Variants in FER observed in about 807,000 individuals in gnomAD.
FER encodes the protein FER tyrosine kinase.
A neutral mutation model predicts 111.0 loss-of-function variants in FER; 63 were observed. That is an observed-to-expected ratio of 0.57 (90% confidence interval 0.46 to 0.70). The LOEUF (loss-of-function observed/expected upper bound fraction) is 0.70, where lower values mean the gene tolerates loss of function less well. FER is among the 30% of genes least tolerant of loss of function. The pLI, the probability that FER is intolerant of heterozygous loss-of-function variation, is 0.00. For synonymous variants in FER, 327 were observed against 313.9 expected (o/e 1.04, Z -0.44); for missense variants, 914 against 954.0 (o/e 0.96, Z 0.55).
chr5:108,844,893 G>T (rs2150165858), intron 5 of FER, among the ~76,000 whole-genome samples: 1 of 148,262 alleles, frequency 6.7e-6, no homozygotes, highest in African/African-American at 2.5e-5. Context: ...ACTACAGTTT[G>T]TTTATCCATT....
chr5:109,114,861 C>G (rs115193070), intron 17 of FER, among the ~76,000 whole-genome samples: 2,592 of 152,136 alleles, frequency 0.017, 59 homozygotes, highest in African/African-American at 0.059. Context: ...CCCTCATTCT[C>G]TCTGTCCCTA....
At chr5:108,880,836 A>G (rs998972511) in intron 8 of FER, among the ~76,000 whole-genome samples, 8 of 152,240 alleles carry the variant, frequency 5.3e-5, no homozygotes, top group Non-Finnish European at 8.8e-5. Flanking sequence ...AAATGCCGTC[A>G]GAGACTTACT....
chr5:108,827,554 T>A (rs1759595008), intron 3 of FER, among the ~76,000 whole-genome samples: 1 of 152,174 alleles, frequency 6.6e-6, no homozygotes, highest in Non-Finnish European at 1.5e-5. Context: ...TATTTCCTTT[T>A]TTCTGTAATT....
At chr5:109,115,131 A>G (rs1450487578) in intron 17 of FER, among the ~76,000 whole-genome samples, 2 of 152,162 alleles carry the variant, frequency 1.3e-5, no homozygotes, top group East Asian at 3.8e-4. Flanking sequence ...TAAATTTCTC[A>G]AGCCCTAACA....
At chr5:109,051,679 C>G (rs1369926751) in intron 16 of FER, 4 of 1,575,040 alleles carry the variant, frequency 2.5e-6, no homozygotes, top group Non-Finnish European at 3.5e-6. Flanking sequence ...TTTTTGAGAC[C>G]CACAGTCTTT....
intron 10 of FER, among the ~76,000 whole-genome samples, chr5:108,920,620 C>CA (rs962582449): frequency 1.3e-5 from 2 of 152,112 alleles, no homozygotes; most frequent in African/African-American, 4.8e-5. Flanking sequence ...ATATTACCTC[C>CA]AAAATATATT....
At chr5:109,111,778 A>G (rs998461021) in intron 17 of FER, among the ~76,000 whole-genome samples, 1 of 152,146 alleles carries the variant, frequency 6.6e-6, no homozygotes, top group African/African-American at 2.4e-5. Flanking sequence ...ACTCACTATC[A>G]TGAGAACAGC....
intron 16 of FER, among the ~76,000 whole-genome samples, chr5:109,091,921 C>T (rs930432820): frequency 1.3e-5 from 2 of 151,988 alleles, no homozygotes; most frequent in Admixed American, 1.3e-4. Flanking sequence ...TTAAGAAATA[C>T]TATTATGATG....
intron 10 of FER, among the ~76,000 whole-genome samples, chr5:108,899,735 T>G (rs1749731588): frequency 6.8e-6 from 1 of 147,672 alleles, no homozygotes; most frequent in African/African-American, 2.5e-5. Flanking sequence ...ACCTGGGAGG[T>G]GGAGGTTGCA....
At chr5:108,923,181 G>C (rs79347653) in intron 10 of FER, among the ~76,000 whole-genome samples, 1,959 of 151,776 alleles carry the variant, frequency 0.013, 16 homozygotes, top group East Asian at 0.035. Context: ...GTCTTTTATT[G>C]TTTATTAAAT....
intron 10 of FER, among the ~76,000 whole-genome samples, chr5:108,934,662 A>G (rs1755198156): frequency 1.3e-5 from 2 of 152,162 alleles, no homozygotes; most frequent in Non-Finnish European, 2.9e-5. Flanking sequence ...AAAGTTAGCT[A>G]GTTTTCCAGC....
chr5:108,851,556 T>TA (rs997118379), intron 5 of FER, among the ~76,000 whole-genome samples: 7 of 151,678 alleles, frequency 4.6e-5, no homozygotes, highest in South Asian at 2.1e-4. Context: ...TTGTTCAAAG[T>TA]AAAAAAAACA....
In FER at chr5:108,970,070, C is replaced by A. The variant is rs540124260; in HGVS notation, c.1656+10723C>A. 3.4e-5 allele frequency among the ~76,000 whole-genome samples: 5 copies of A among 147,746 alleles called. 1 individual carries two copies. The highest frequency in any genetic ancestry group is 5.4e-5 in the African/African-American group (2 of 37,296). On this transcript the variant is annotated intron_variant, in intron 13 of 19. Transcript: ENST00000281092. ...TTTCCCATAATTTATATGAAGAAAT[C>A]GCATTGTAGTTTAAGACTCAGGACA...
chr5:109,048,428 C>G (rs998908525), intron 16 of FER, among the ~76,000 whole-genome samples: 2 of 151,990 alleles, frequency 1.3e-5, no homozygotes, highest in African/African-American at 2.4e-5. Context: ...TAATAAGGAA[C>G]GCCACTGAAA....
chr5:109,120,221 G>A (rs927170953), intron 17 of FER, among the ~76,000 whole-genome samples: 4 of 152,020 alleles, frequency 2.6e-5, no homozygotes, highest in Middle Eastern at 3.2e-3. Flanking sequence ...TTCTTTTAGC[G>A]GTTTCACAGA....
chr5:108,922,098 A>C (rs1297042644), intron 10 of FER, among the ~76,000 whole-genome samples: 1 of 152,314 alleles, frequency 6.6e-6, no homozygotes, highest in Middle Eastern at 3.4e-3. Context: ...TTATGCTATC[A>C]CAAGCAAAGG....
intron 10 of FER, among the ~76,000 whole-genome samples, chr5:108,917,856 A>G (rs551171762): frequency 3.3e-5 from 5 of 152,334 alleles, no homozygotes; most frequent in African/African-American, 1.2e-4. Context: ...TTGTTCAGAG[A>G]TAAGACTGTG....
At chr5:109,053,382 C>CAAA (rs779550084) in intron 16 of FER, among the ~76,000 whole-genome samples, 33 of 80,196 alleles carry the variant, frequency 4.1e-4, no homozygotes, top group African/African-American at 1.3e-3. Flanking sequence ...GACTCCGTCT[C>CAAA]AAAAAAAAAA....
chr5:108,785,811 G>T (rs577056920), intron 2 of FER, among the ~76,000 whole-genome samples: 9 of 152,356 alleles, frequency 5.9e-5, no homozygotes, highest in Admixed American at 5.2e-4. Context: ...CCAGGTCTGT[G>T]TGGCCTTCTT....
Sources: allele counts gnomAD v4.1 joint callset (sites outside exome capture counted in the v4.1 genomes callset), GRCh38; gene constraint gnomAD v4.1.1; transcripts MANE v1.5; gene names NCBI Gene and HGNC (gene_info 2026-07-23, HGNC 2026-07-21).